Variants in SMG7 observed in about 807,000 individuals in gnomAD.
SMG7 encodes nonsense-mediated mRNA decay factor SMG7.
A neutral mutation model predicts 148.2 loss-of-function variants in SMG7; 34 were observed. That is an observed-to-expected ratio of 0.23 (90% CI 0.17 to 0.31). SMG7 has a LOEUF of 0.31. SMG7 is among the 10% of genes least tolerant of loss of function. The pLI is 1.00. For synonymous variants in SMG7, 492 were observed against 515.1 expected (o/e 0.96, Z 0.61); for missense variants, 1,114 against 1,408.4 (o/e 0.79, Z 3.35).
intron 8 of SMG7, among the ~76,000 whole-genome samples, chr1:183,530,473 C>G (rs1343850340): frequency 6.6e-6 from 1 of 152,090 alleles, no homozygotes; most frequent in Non-Finnish European, 1.5e-5. Flanking sequence ...TTAAAATATA[C>G]TTAGCCTGTG....
At chr1:183,485,909 T>C (rs1655305244) in intron 1 of SMG7, among the ~76,000 whole-genome samples, 1 of 152,218 alleles carries the variant, frequency 6.6e-6, no homozygotes, top group Non-Finnish European at 1.5e-5. Flanking sequence ...ATTTAATGTT[T>C]ACCCTTGGAA....
chr1:183,496,927 C>T (rs1658622623), intron 1 of SMG7, among the ~76,000 whole-genome samples: 1 of 152,108 alleles, frequency 6.6e-6, no homozygotes, highest in Non-Finnish European at 1.5e-5. Context: ...GGTCTGTGGG[C>T]CATGGATTGG....
chr1:183,505,482 A>T (rs758753836), intron 1 of SMG7, among the ~76,000 whole-genome samples: 2 of 152,128 alleles, frequency 1.3e-5, no homozygotes, highest in Non-Finnish European at 2.9e-5. Context: ...GAAAACAGAG[A>T]ACTAGCTCCA....
Position 183,550,847 on chromosome 1 carries a change from C to G in SMG7, c.3230C>G (p.Ser1077Cys), listed in dbSNP as rs754943992. Residue 1077 changes from serine (S) to cysteine (C), a missense_variant, in exon 21 of 23, where the codon TCC becomes TGC. Around this residue, in one of 4 missense-constraint regions of SMG7, gnomAD observed 788 missense variants for 894.5 expected, o/e 0.88. Transcript: ENST00000688051. The stretch of plus-strand genomic sequence containing the variant: ...CACAACCATAATTCTGTTCCATTCT[C>G]CAATTTTGGACCCATTGGGACTCCA... ...PTHNHNSVPF[S>C]NFGPIGTPDN... The G allele has an allele frequency of 6.2e-7, 1 of 1,614,138 alleles. No individual in the cohort carries two copies. Among genetic ancestry groups the G allele is most frequent in the Non-Finnish European group, 8.5e-7 (1 of 1,180,008 alleles).
intron 19 of SMG7, 120 bp downstream of exon 19, chr1:183,549,408 T>A (rs1670562112): frequency 1.4e-6 from 1 of 722,500 alleles, no homozygotes; most frequent in African/African-American, 1.8e-5. Flanking sequence ...GTATTCCAGA[T>A]ATTTGATTTT....
At chr1:183,507,878 T>C (rs1420562143) in intron 1 of SMG7, among the ~76,000 whole-genome samples, 5 of 152,202 alleles carry the variant, frequency 3.3e-5, no homozygotes, top group Admixed American at 6.5e-5. Flanking sequence ...TTAATGACTT[T>C]TTCTTTTTTT....
intron 14 of SMG7, 120 bp from the exon 15 acceptor site, chr1:183,544,233 T>A: frequency 1.5e-6 from 1 of 673,434 alleles, no homozygotes; most frequent in Middle Eastern, 3.9e-4. Flanking sequence ...AATTTAAATA[T>A]CTTCAGCATG....
At position 183,549,760 on chromosome 1, in the gene SMG7, T is replaced by G. The variant is rs769731294; in HGVS notation, c.2974-4T>G. ...GTTTATAACTTCACTGTCATGTCTT[T>G]CAGGAAAGATACCCAAATAATAGTA... is the stretch of plus-strand genomic sequence containing the variant. On this transcript the variant is annotated splice_polypyrimidine_tract_variant and splice_region_variant and intron_variant, in intron 19 of 22. Coordinates refer to ENST00000688051, the MANE Select transcript of SMG7 (RefSeq NM_001375584.1). 3 of 1,612,650 alleles carry G rather than the reference T, an allele frequency of 1.9e-6. No individual in the cohort carries two copies. In the South Asian group the frequency reaches 3.3e-5, roughly 18 times the overall value.
Position 183,472,601 on chromosome 1 carries a change from C to T in SMG7, c.-20C>T. 2.1e-6 allele frequency: 3 copies of T among 1,436,728 alleles called. No individual in the cohort carries two copies. The highest frequency in any genetic ancestry group is 2.8e-5 in the South Asian group (2 of 71,522). 89.0% of individuals were successfully genotyped at this position (1,436,728 alleles called of 1,614,324 possible). On this transcript the variant is annotated 5_prime_UTR_variant, in exon 1 of 23. In the 5' UTR this introduces an upstream ATG that the reference lacks. Transcript: ENST00000688051. ...GACCCACGGAGGCTTCGCGGGAAGA[C>T]GCGGCGGCGGCGGCGGAGGATGAGC...
At position 183,552,967 on chromosome 1, in the gene SMG7, T is replaced by C; in HGVS notation, c.*1036T>C. 1.3e-6 allele frequency: 2 copies of C among 1,535,672 alleles called. No individual in the cohort carries two copies. Among genetic ancestry groups the C allele is most frequent in the South Asian group, 2.4e-5 (2 of 84,042 alleles). ...TATTCCTAATGTGTGCAACATCACA[T>C]CTCCCCAAGAAGCAACAGCATGGGG... is the stretch of plus-strand genomic sequence containing the variant. On this transcript the variant is annotated 3_prime_UTR_variant, in exon 23 of 23. Coordinates refer to ENST00000688051, the MANE Select transcript of SMG7 (RefSeq NM_001375584.1).
intron 1 of SMG7, among the ~76,000 whole-genome samples, chr1:183,473,179 G>A (rs925834315): frequency 6.6e-6 from 1 of 152,054 alleles, no homozygotes; most frequent in African/African-American, 2.4e-5. Context: ...TTCATTCTCG[G>A]GTTGGGAGTA....
At chr1:183,514,444 T>A (rs546378235) in intron 2 of SMG7, among the ~76,000 whole-genome samples, 5 of 152,318 alleles carry the variant, frequency 3.3e-5, no homozygotes, top group South Asian at 2.1e-4. Flanking sequence ...TATTAACAGA[T>A]TTGTCATCAT....
chr1:183,540,178 C>G (rs1052962747), intron 12 of SMG7, among the ~76,000 whole-genome samples: 1 of 152,172 alleles, frequency 6.6e-6, no homozygotes, highest in South Asian at 2.1e-4. Flanking sequence ...CCTTCCATCA[C>G]CAGCCTGGTA....
In SMG7 at chr1:183,546,317, G is replaced by GT; in HGVS notation, c.2723dup (p.Pro909ThrfsTer6). ...AGTCTTCCGTCCAGAGCAGGATCCT[G>GT]TACCCAGAATGCCGTTTGAGGTGTG... On this transcript the variant is annotated frameshift_variant, in exon 17 of 23. Coordinates refer to ENST00000688051, the MANE Select transcript of SMG7 (RefSeq NM_001375584.1). LOFTEE classifies it high-confidence loss of function. 6.2e-7 allele frequency: 1 copy of GT among 1,612,266 alleles called. No homozygotes were observed. Among genetic ancestry groups the GT allele is most frequent in the Non-Finnish European group, 8.5e-7 (1 of 1,178,786 alleles).
intron 12 of SMG7, 54 bp downstream of exon 12, chr1:183,538,494 T>A (rs1668191353): frequency 8.2e-7 from 1 of 1,222,924 alleles, no homozygotes; most frequent in Admixed American, 1.7e-5. Context: ...GTATTAAAAT[T>A]AGCAGAGAAT....
At position 183,533,942 on chromosome 1, in the gene SMG7, A is replaced by G. The variant is rs978379303; in HGVS notation, c.1163+110A>G. ...CAACATTTGAACAATAGAATACTGT[A>G]TTTTCTGCCGACTCTCGGGAATTGA... On this transcript the variant is annotated intron_variant, in intron 10 of 22. Transcript: ENST00000688051. 3.5e-6 allele frequency: 3 copies of G among 866,030 alleles called. No individual in the cohort carries two copies. The South Asian group carries it at 5.6e-5, about 16-fold the overall frequency. 53.6% of individuals were successfully genotyped at this position (866,030 alleles called of 1,614,324 possible). A position where few individuals can be genotyped will look rare whatever the true frequency, so the allele number is the denominator to read the frequency against.
chr1:183,540,942 T>C (rs1413231854), intron 12 of SMG7, 42 bp from the exon 13 acceptor site: 5 of 1,601,766 alleles, frequency 3.1e-6, no homozygotes, highest in African/African-American at 1.3e-5. Flanking sequence ...AAAATATCTT[T>C]AGCAATTTAA....
chr1:183,504,599 A>G (rs1044907886), intron 1 of SMG7, among the ~76,000 whole-genome samples: 7 of 152,178 alleles, frequency 4.6e-5, no homozygotes, highest in African/African-American at 1.2e-4. Context: ...TCGGCCTCCC[A>G]AAGTACTGGG....
chr1:183,497,282 A>T (rs967764108), intron 1 of SMG7, among the ~76,000 whole-genome samples: 1 of 152,196 alleles, frequency 6.6e-6, no homozygotes, highest in Admixed American at 6.5e-5. Context: ...TGTGATAGCT[A>T]AGAAAACTGG....
Sources: allele counts gnomAD v4.1 joint callset (sites outside exome capture counted in the v4.1 genomes callset), GRCh38; gene constraint gnomAD v4.1.1; regional missense constraint gnomAD v4.1.1; transcripts MANE v1.5; gene names NCBI Gene and HGNC (gene_info 2026-07-23, HGNC 2026-07-21).